Variants in TRPS1 observed in about 807,000 individuals in gnomAD.
The protein encoded by TRPS1 is zinc finger transcription factor Trps1.
A neutral mutation model predicts 101.2 loss-of-function variants in TRPS1; 6 were observed. That is an observed-to-expected ratio of 0.06 (90% CI 0.03 to 0.12). TRPS1 has a LOEUF of 0.12. Among genes scored for constraint, TRPS1 ranks in the 10% least tolerant of loss-of-function variants. The pLI, the probability that TRPS1 is intolerant of heterozygous loss-of-function variation, is 1.00. For missense variants in TRPS1, 1,363 were observed against 1,567.0 expected (o/e 0.87, Z 2.20); for synonymous variants, 578 against 589.8 (o/e 0.98, Z 0.29).
intron 4 of TRPS1, among the ~76,000 whole-genome samples, chr8:115,596,801 T>G (rs1399465665): frequency 6.6e-6 from 1 of 151,944 alleles, no homozygotes; most frequent in Non-Finnish European, 1.5e-5. Flanking sequence ...TATGTATGCA[T>G]GCATATGATA....
chr8:115,535,128 C>G (rs964284994), intron 5 of TRPS1, among the ~76,000 whole-genome samples: 1 of 145,088 alleles, frequency 6.9e-6, no homozygotes, highest in East Asian at 2.1e-4. Flanking sequence ...ATATGTATAG[C>G]ATATATATAG....
chr8:115,440,711 G>A (rs986917010), intron 5 of TRPS1, among the ~76,000 whole-genome samples: 1 of 152,100 alleles, frequency 6.6e-6, no homozygotes, highest in Non-Finnish European at 1.5e-5. Context: ...ACAGAATAAA[G>A]ATTCAAAGGC....
chr8:115,528,841 T>A (rs1816062660), intron 5 of TRPS1, among the ~76,000 whole-genome samples: 1 of 151,974 alleles, frequency 6.6e-6, no homozygotes, highest in Admixed American at 6.6e-5. Flanking sequence ...AAAGGACAAA[T>A]ACTAAGTTCC....
At chr8:115,425,165 G>A (rs1813157540) in intron 5 of TRPS1, among the ~76,000 whole-genome samples, 2 of 152,198 alleles carry the variant, frequency 1.3e-5, no homozygotes, top group South Asian at 2.1e-4. Flanking sequence ...CCAACAGAAA[G>A]CAATAGTTTA....
chr8:115,598,265 A>T (rs1817832582), intron 4 of TRPS1, among the ~76,000 whole-genome samples: 1 of 152,170 alleles, frequency 6.6e-6, no homozygotes, highest in South Asian at 2.1e-4. Flanking sequence ...GCTAACTCCC[A>T]ACAATTCAGG....
chr8:115,547,013 A>T (rs1816589373), intron 5 of TRPS1, among the ~76,000 whole-genome samples: 1 of 152,230 alleles, frequency 6.6e-6, no homozygotes, highest in East Asian at 1.9e-4. Context: ...TTTGAAGTTC[A>T]TCACAGACTT....
At chr8:115,655,865 T>A (rs906365882) in intron 1 of TRPS1, among the ~76,000 whole-genome samples, 4 of 152,096 alleles carry the variant, frequency 2.6e-5, no homozygotes, top group African/African-American at 9.7e-5. Flanking sequence ...AGATTCAAAA[T>A]CAGCACATTA....
intron 5 of TRPS1, among the ~76,000 whole-genome samples, chr8:115,479,943 T>C (rs918166513): frequency 1.3e-5 from 2 of 152,096 alleles, no homozygotes; most frequent in African/African-American, 2.4e-5. Context: ...TCCCAGGTAG[T>C]AAAATGGTTT....
chr8:115,650,427 TCTC>T (rs748990791), intron 1 of TRPS1, among the ~76,000 whole-genome samples: 8 of 152,308 alleles, frequency 5.3e-5, no homozygotes, highest in Non-Finnish European at 1.0e-4. Flanking sequence ...ATTAAATAGA[TCTC>T]CTTGATTTCT....
chr8:115,634,097 T>C (rs1368730609), intron 1 of TRPS1, among the ~76,000 whole-genome samples: 1 of 152,170 alleles, frequency 6.6e-6, no homozygotes, highest in Non-Finnish European at 1.5e-5. Context: ...TCATGTGGCA[T>C]TTAGTCTTTG....
At chr8:115,560,627 T>C (rs1421993915) in intron 5 of TRPS1, among the ~76,000 whole-genome samples, 1 of 152,096 alleles carries the variant, frequency 6.6e-6, no homozygotes, top group Admixed American at 6.6e-5. Flanking sequence ...CCCCTGCTCC[T>C]GAACTTACAA....
intron 6 of TRPS1, among the ~76,000 whole-genome samples, chr8:115,416,960 G>C (rs985446425): frequency 6.6e-6 from 1 of 152,088 alleles, no homozygotes; most frequent in African/African-American, 2.4e-5. Flanking sequence ...TTTTGTGTCA[G>C]TTTTTGACAC....
intron 5 of TRPS1, among the ~76,000 whole-genome samples, chr8:115,544,287 G>T (rs1476907777): frequency 2.0e-5 from 3 of 151,454 alleles, no homozygotes; most frequent in African/African-American, 2.4e-5. Context: ...GGGAGTTATA[G>T]TATCTATCTC....
chr8:115,440,706 A>G (rs1813572016), intron 5 of TRPS1, among the ~76,000 whole-genome samples: 1 of 152,226 alleles, frequency 6.6e-6, no homozygotes, highest in Non-Finnish European at 1.5e-5. Context: ...ACATTACAGA[A>G]TAAAGATTCA....
chr8:115,471,507 G>A (rs1814468302), intron 5 of TRPS1, among the ~76,000 whole-genome samples: 1 of 152,060 alleles, frequency 6.6e-6, no homozygotes, highest in Non-Finnish European at 1.5e-5. Flanking sequence ...AATGAGATTT[G>A]GGCAGGGATA....
chr8:115,459,833 A>C (rs1446617311), intron 5 of TRPS1, among the ~76,000 whole-genome samples: 1 of 152,206 alleles, frequency 6.6e-6, no homozygotes, highest in African/African-American at 2.4e-5. Context: ...CAGAATGTTG[A>C]GTTATACAAA....
chr8:115,535,115 CGCATATGTATA>C (rs1442585330), intron 5 of TRPS1, among the ~76,000 whole-genome samples: 3 of 44,076 alleles, frequency 6.8e-5, no homozygotes, highest in African/African-American at 1.9e-4. Context: ...GCATATATAT[CGCATATGTATA>C]GCATATATAT....
intron 5 of TRPS1, among the ~76,000 whole-genome samples, chr8:115,554,174 A>G (rs1461503815): frequency 1.3e-5 from 2 of 152,232 alleles, no homozygotes; most frequent in Non-Finnish European, 2.9e-5. Context: ...TAATATTAAT[A>G]GAAAAGCAAA....
At chr8:115,635,352 A>G (rs1818744355) in intron 1 of TRPS1, among the ~76,000 whole-genome samples, 1 of 152,230 alleles carries the variant, frequency 6.6e-6, no homozygotes, top group Non-Finnish European at 1.5e-5. Context: ...ATTTTGCACT[A>G]AATCCTATTT....
Sources: allele counts gnomAD v4.1 joint callset (sites outside exome capture counted in the v4.1 genomes callset), GRCh38; gene constraint gnomAD v4.1.1; transcripts MANE v1.5; gene names NCBI Gene and HGNC (gene_info 2026-07-23, HGNC 2026-07-21).